The following LPIN1 variants were observed in gnomAD, a reference collection of about 807,000 sequenced individuals.
The protein encoded by LPIN1 is lipin 1.
LPIN1 carries 71 observed loss-of-function variants against 107.5 expected under a neutral mutation model. That is an observed-to-expected ratio of 0.66 (90% CI 0.55 to 0.80). The LOEUF (loss-of-function observed/expected upper bound fraction) is 0.80, where lower values mean the gene tolerates loss of function less well. Ranked by LOEUF, LPIN1 falls within the 30% of genes least tolerant of loss-of-function variation. The pLI is 0.00. For missense variants in LPIN1, 1,043 were observed against 1,160.6 expected, an observed-to-expected ratio of 0.90 and a Z score of 1.47; for synonymous variants, 445 against 452.6, an observed-to-expected ratio of 0.98 and a Z score of 0.21.
chr2:11,795,277 A>G, intron 13 of LPIN1, 131 bp from the exon 14 acceptor site: 1 of 758,918 alleles, frequency 1.3e-6, no homozygotes, highest in Non-Finnish European at 2.3e-6. Context: ...GGCGATCGCT[A>G]GGGTGGGCGT....
In LPIN1 at chr2:11,826,877, C is replaced by G. The variant is rs77333662; in HGVS notation, c.*2086C>G. 0.063 allele frequency: 9,670 copies of G among 152,508 alleles called. 452 individuals are homozygous for G. The highest frequency in any genetic ancestry group is 0.12 in the Middle Eastern group (34 of 292). The allele number at this position is 152,508 out of a possible 1,614,324, so 9.4% of individuals were successfully genotyped here. ...TGCACCCTGAAACAGAGCATGCTTT[C>G]CAGAAAGTCACACTCTCAGATCTGT... is the stretch of plus-strand genomic sequence containing the variant. On this transcript the variant is annotated 3_prime_UTR_variant, in exon 21 of 21. Coordinates refer to ENST00000674199, the MANE Select transcript of LPIN1 (RefSeq NM_001349206.2).
At chr2:11,753,849 G>C (rs931566252) in intron 1 of LPIN1, among the ~76,000 whole-genome samples, 2 of 152,178 alleles carry the variant, frequency 1.3e-5, no homozygotes, top group African/African-American at 4.8e-5. Context: ...GAAGCTTTTT[G>C]TGTTTTTAAA....
At chr2:11,745,658 C>T (rs757531331), upstream of LPIN1, among the ~76,000 whole-genome samples, 14 of 152,188 alleles carry the variant, frequency 9.2e-5, no homozygotes, top group Non-Finnish European at 1.8e-4. Context: ...TGCAGTGAAC[C>T]GAGATTGTGC....
At chr2:11,796,916 G>A (rs565012119) in intron 14 of LPIN1, among the ~76,000 whole-genome samples, 49 of 152,292 alleles carry the variant, frequency 3.2e-4, no homozygotes, top group Middle Eastern at 3.4e-3. Context: ...TTTGCTCCTC[G>A]GTAACCATTG....
intron 17 of LPIN1, among the ~76,000 whole-genome samples, chr2:11,808,791 A>G (rs1199220621): frequency 6.6e-6 from 1 of 151,512 alleles, no homozygotes; most frequent in Non-Finnish European, 1.5e-5. Context: ...GAATTGCTTG[A>G]ACCCTAGAGG....
At position 11,746,684 on chromosome 2, in the gene LPIN1, C is replaced by T. The variant is rs1052383847; in HGVS notation, c.-10+13C>T. On this transcript the variant is annotated intron_variant, in intron 1 of 20. Transcript: ENST00000674199. ...GCGGCGCCGCTCGGTGAGTAGCCGC[C>T]GCCTCCAGCCTCCCGCTGTGGAGCA... 7.1e-6 allele frequency: 7 copies of T among 983,344 alleles called. No homozygotes were observed. In the Admixed American group the frequency reaches 1.8e-4, roughly 26 times the overall value. 60.9% of individuals were successfully genotyped at this position (983,344 alleles called of 1,614,324 possible). A position where few individuals can be genotyped will look rare whatever the true frequency, so the allele number is the denominator to read the frequency against.
At chr2:11,767,659 G>T in intron 2 of LPIN1, 104 bp from the exon 3 acceptor site, 1 of 768,374 alleles carries the variant, frequency 1.3e-6, no homozygotes, top group Non-Finnish European at 2.4e-6. Context: ...GCACTTCAGG[G>T]TGTATGCGAT....
intron 13 of LPIN1, among the ~76,000 whole-genome samples, chr2:11,794,080 T>C (rs530448108): frequency 1.3e-5 from 2 of 152,264 alleles, no homozygotes; most frequent in Non-Finnish European, 2.9e-5. Context: ...TATCAAGATA[T>C]AATTGTTCTT....
intron 1 of LPIN1, among the ~76,000 whole-genome samples, chr2:11,730,283 G>A (rs566734687): frequency 4.6e-5 from 7 of 152,128 alleles, no homozygotes; most frequent in Non-Finnish European, 8.8e-5. Context: ...CGCTGAGGCC[G>A]TTGCTCACCT....
At chr2:11,767,285 G>A (rs570516591) in intron 2 of LPIN1, among the ~76,000 whole-genome samples, 2 of 152,172 alleles carry the variant, frequency 1.3e-5, no homozygotes, top group East Asian at 3.9e-4. Flanking sequence ...TTTCCAGGGT[G>A]TAATTTCTAA....
intron 1 of LPIN1, among the ~76,000 whole-genome samples, chr2:11,686,513 G>C (rs915595224): frequency 6.6e-6 from 1 of 152,180 alleles, no homozygotes; most frequent in Non-Finnish European, 1.5e-5. Flanking sequence ...GCACACCTGA[G>C]GCCTGTGTGT....
rs751172853 is a variant in LPIN1 at position 11,779,618 on chromosome 2, G to A, written c.930G>A (p.Leu310=). Residue 310 remains leucine, a synonymous_variant, in exon 7 of 21, where the codon CTG becomes CTA. Coordinates refer to ENST00000674199, the MANE Select transcript of LPIN1 (RefSeq NM_001349206.2). The part of the protein sequence containing the change: ...TGQKNPEMLW[L]WGELPQAAKS... ...AGAAGAACCCAGAAATGCTTTGGCT[G>A]TGGGGAGAGCTGCCGCAGGCTGCTA... 6.2e-6 allele frequency: 10 copies of A among 1,614,174 alleles called. No individual in the cohort carries two copies. Among genetic ancestry groups the A allele is most frequent in the Non-Finnish European group, 6.8e-6 (8 of 1,180,024 alleles).
intron 1 of LPIN1, among the ~76,000 whole-genome samples, chr2:11,705,055 C>G (rs963138257): frequency 1.3e-5 from 2 of 152,214 alleles, no homozygotes; most frequent in Non-Finnish European, 2.9e-5. Context: ...GCATGAAGCC[C>G]CTTGAGGGCT....
intron 1 of LPIN1, among the ~76,000 whole-genome samples, chr2:11,731,409 C>CT (rs1213467676): frequency 2.0e-5 from 3 of 152,184 alleles, no homozygotes; most frequent in Admixed American, 6.5e-5. Context: ...TGAGCTCATT[C>CT]TTTTTCATGG....
rs749091838 is a variant in LPIN1 at position 11,815,080 on chromosome 2, T to C, written c.2250-8T>C. 3.1e-6 allele frequency: 5 copies of C among 1,613,798 alleles called. No individual in the cohort carries two copies. The highest frequency in any genetic ancestry group is 1.6e-4 in the Middle Eastern group (1 of 6,084). Reference sequence around the variant, plus strand: ...TGCCATGAAATGTGAATGTTTTATGTCTTTCAGGAATGGATATAAATTTCT... The same window carrying C: ...TGCCATGAAATGTGAATGTTTTATGCCTTTCAGGAATGGATATAAATTTCT... On this transcript the variant is annotated splice_region_variant and splice_polypyrimidine_tract_variant and intron_variant, in intron 17 of 20. Coordinates refer to ENST00000674199, the MANE Select transcript of LPIN1 (RefSeq NM_001349206.2).
At chr2:11,753,271 T>C (rs1278175508) in intron 1 of LPIN1, among the ~76,000 whole-genome samples, 5 of 152,166 alleles carry the variant, frequency 3.3e-5, no homozygotes, top group African/African-American at 1.2e-4. Flanking sequence ...TCAGGAAGTA[T>C]TGAAAGACCT....
intron 8 of LPIN1, 89 bp from the exon 9 acceptor site, chr2:11,783,740 T>C (rs1156877475): frequency 6.6e-6 from 7 of 1,066,250 alleles, no homozygotes; most frequent in African/African-American, 1.5e-5. Flanking sequence ...AATCTGCACA[T>C]AGTGTTTAAA....
In LPIN1 at chr2:11,820,473, A is replaced by T. The variant is rs1168315952; in HGVS notation, c.2580A>T (p.Lys860Asn). 1 of 1,613,800 alleles carries T rather than the reference A, an allele frequency of 6.2e-7. No homozygotes were observed. Among genetic ancestry groups the T allele is most frequent in the Non-Finnish European group, 8.5e-7 (1 of 1,179,694 alleles). ...SLNRIFTVNP[K>N]GELVQEHAKT... ...ATAGAATATTTACCGTCAACCCTAA[A>T]GGAGAGCTGGTACAGGAACATGCAA... The change falls in exon 20 of 21, where the codon AAA becomes AAT. Residue 860 changes from lysine (K) to asparagine (N), a missense_variant. Coordinates refer to ENST00000674199, the MANE Select transcript of LPIN1 (RefSeq NM_001349206.2).
chr2:11,696,848 G>C (rs1056566087), intron 1 of LPIN1, among the ~76,000 whole-genome samples: 1 of 152,228 alleles, frequency 6.6e-6, no homozygotes, highest in African/African-American at 2.4e-5. Context: ...CCACCACGTG[G>C]GTCTCCTGTC....
Sources: gnomAD v4.1 joint callset for allele counts (sites outside exome capture counted in the v4.1 genomes callset) on GRCh38, gnomAD v4.1.1 for gene constraint, MANE v1.5 for transcripts, NCBI Gene and HGNC (gene_info 2026-07-23, HGNC 2026-07-21) for gene names.